Variants in STK4 observed in about 807,000 individuals in gnomAD.
STK4 encodes serine/threonine kinase 4.
STK4 carries 30 observed loss-of-function variants against 64.9 expected under a neutral mutation model. That is an observed-to-expected ratio of 0.46 (90% CI 0.35 to 0.63). The LOEUF (loss-of-function observed/expected upper bound fraction) is 0.63. STK4 is among the 20% of genes least tolerant of loss of function. The pLI is 0.01. For synonymous variants in STK4, 177 were observed against 199.0 expected, an observed-to-expected ratio of 0.89 and a Z score of 0.93; for missense variants, 466 against 598.5, an observed-to-expected ratio of 0.78 and a Z score of 2.31.
chr20:44,969,577 TGC>T (rs2067209930), intron 1 of STK4, among the ~76,000 whole-genome samples: 1 of 152,218 alleles, frequency 6.6e-6, no homozygotes. Context: ...AAAAATGAGT[TGC>T]CATTAGATTA....
At chr20:44,975,376 T>C in intron 2 of STK4, 6 of 984,682 alleles carry the variant, frequency 6.1e-6, no homozygotes, top group Middle Eastern at 5.2e-4. Context: ...ATGTGAGCTA[T>C]TGGAGTTTTC....
chr20:45,062,941 C>T (rs1226555588), intron 10 of STK4, among the ~76,000 whole-genome samples: 60 of 140,780 alleles, frequency 4.3e-4, no homozygotes, highest in African/African-American at 8.8e-4. Flanking sequence ...CCGCCCGCCT[C>T]GGCCTCCCAA....
At chr20:45,007,367 A>G (rs902455754) in intron 9 of STK4, among the ~76,000 whole-genome samples, 3 of 152,126 alleles carry the variant, frequency 2.0e-5, no homozygotes, top group African/African-American at 7.2e-5. Flanking sequence ...CCTGGCCAAT[A>G]TGGTGAAACC....
chr20:45,067,055 C>T (rs757600478), intron 10 of STK4, among the ~76,000 whole-genome samples: 4 of 152,098 alleles, frequency 2.6e-5, no homozygotes, highest in Non-Finnish European at 5.9e-5. Context: ...GTAACATACT[C>T]GCATCAAGAA....
chr20:45,065,213 G>T (rs1017290657), intron 10 of STK4, among the ~76,000 whole-genome samples: 1 of 151,860 alleles, frequency 6.6e-6, no homozygotes, highest in Non-Finnish European at 1.5e-5. Context: ...TAATCATGTG[G>T]TTTTTGTTTT....
At chr20:45,031,344 G>A (rs1028534249) in intron 10 of STK4, among the ~76,000 whole-genome samples, 3 of 152,094 alleles carry the variant, frequency 2.0e-5, no homozygotes, top group African/African-American at 7.2e-5. Context: ...AGGAAGGAAA[G>A]GAGTCCATTG....
Position 44,987,246 on chromosome 20 carries a change from A to G in STK4, c.475A>G (p.Thr159Ala), listed in dbSNP as rs2067545417. Reference sequence around the variant, plus strand: ...CAAGGCAGGAAATATTTTGCTAAATACAGAAGGACATGCAAAACTTGCAGA... The same window carrying G: ...CAAGGCAGGAAATATTTTGCTAAATGCAGAAGGACATGCAAAACTTGCAGA... Reference protein sequence around the residue: ...DIKAGNILLNTEGHAKLADFG... With the variant: ...DIKAGNILLNAEGHAKLADFG... The change falls in exon 5 of 11, where the codon ACA becomes GCA. Residue 159 changes from threonine to alanine, a missense_variant. This residue lies in a region of STK4 where 190 missense variants were observed against 289.7 expected (regional missense o/e 0.66). Transcript: ENST00000372806. The G allele has an allele frequency of 7.4e-6, 12 of 1,611,876 alleles. No individual in the cohort carries two copies. The highest frequency in any genetic ancestry group is 8.5e-6 in the Non-Finnish European group (10 of 1,179,396).
chr20:44,987,071 C>T, intron 4 of STK4, 61 bp from the exon 5 acceptor site: 1 of 1,375,242 alleles, frequency 7.3e-7, no homozygotes, highest in Non-Finnish European at 9.9e-7. Flanking sequence ...CTGATTTTTT[C>T]TCCTTTTTCT....
chr20:44,984,223 C>CTCGCTCTG (rs1397395206), intron 4 of STK4, among the ~76,000 whole-genome samples: 3 of 112,648 alleles, frequency 2.7e-5, no homozygotes, highest in Non-Finnish European at 5.0e-5. Context: ...ACAGAGTCTC[C>CTCGCTCTG]TTGCTCTGTT....
intron 9 of STK4, among the ~76,000 whole-genome samples, chr20:45,016,399 G>A (rs961745703): frequency 6.6e-6 from 1 of 152,078 alleles, no homozygotes; most frequent in African/African-American, 2.4e-5. Context: ...TAGCTCCCTC[G>A]TGGGTGAGAT....
chr20:45,055,921 C>T (rs1568760185), intron 10 of STK4, among the ~76,000 whole-genome samples: 3 of 152,022 alleles, frequency 2.0e-5, no homozygotes, highest in South Asian at 2.1e-4. Flanking sequence ...TTAGGAGAGA[C>T]GGGGTTTCAC....
chr20:44,995,479 G>A lies in STK4; in HGVS notation c.693+222G>A, dbSNP rs574989433. On this transcript the variant is annotated intron_variant, in intron 6 of 10. Transcript: ENST00000372806. ...AAATTAGCTGGGTGTGGTGGCGTGCGCCTGTAATCCCAGCTGCTTGGGAGA... is the reference window on the plus strand; with the variant it reads ...AAATTAGCTGGGTGTGGTGGCGTGCACCTGTAATCCCAGCTGCTTGGGAGA... Among the ~76,000 whole-genome samples the A allele has an allele frequency of 1.3e-4, 20 of 151,862 alleles. 1 individual carries two copies. In the East Asian group the frequency reaches 3.5e-3, roughly 27 times the overall value.
At chr20:45,043,620 C>A (rs2068647493) in intron 10 of STK4, among the ~76,000 whole-genome samples, 1 of 152,180 alleles carries the variant, frequency 6.6e-6, no homozygotes, top group Non-Finnish European at 1.5e-5. Context: ...TATCCCAAAC[C>A]TGAAATCCTG....
At chr20:44,982,145 C>T (rs1264194809) in intron 4 of STK4, among the ~76,000 whole-genome samples, 2 of 149,152 alleles carry the variant, frequency 1.3e-5, no homozygotes, top group Non-Finnish European at 1.5e-5. Context: ...ACCAGAGTCC[C>T]CTGTCACCCA....
intron 7 of STK4, among the ~76,000 whole-genome samples, chr20:45,000,079 C>T (rs551754122): frequency 1.3e-5 from 2 of 152,298 alleles, no homozygotes; most frequent in African/African-American, 4.8e-5. Flanking sequence ...ATTGTGGCAG[C>T]TATAACATGT....
At chr20:44,981,988 C>A in intron 4 of STK4, 45 bp downstream of exon 4, 1 of 1,343,930 alleles carries the variant, frequency 7.4e-7, no homozygotes, top group Non-Finnish European at 1.1e-6. Flanking sequence ...GTTTCTTATG[C>A]CATCTTCTTT....
chr20:45,056,347 T>C (rs1978483070), intron 10 of STK4, among the ~76,000 whole-genome samples: 1 of 152,228 alleles, frequency 6.6e-6, no homozygotes, highest in African/African-American at 2.4e-5. Flanking sequence ...AATTGTGCAG[T>C]ATATAGCCTT....
Position 44,967,149 on chromosome 20 carries a change from G to A in STK4, c.35+546G>A, listed in dbSNP as rs1389690715. On this transcript the variant is annotated intron_variant, in intron 1 of 10. Transcript: ENST00000372806. ...GCAAGGGAGGGGATGGTGGAGGGTA[G>A]CATTTCAGAGGATGCTGTTGGTGGT... 1.3e-5 allele frequency: 13 copies of A among 985,226 alleles called. No individual in the cohort carries two copies. In the South Asian group the frequency reaches 5.6e-4, roughly 43 times the overall value. 61.0% of individuals were successfully genotyped at this position (985,226 alleles called of 1,614,324 possible). A position where few individuals can be genotyped will look rare whatever the true frequency, so the allele number is the denominator to read the frequency against.
intron 1 of STK4, among the ~76,000 whole-genome samples, chr20:44,971,759 C>T (rs904307964): frequency 6.7e-6 from 1 of 149,900 alleles, no homozygotes; most frequent in African/African-American, 2.5e-5. Context: ...CAAACTCTGC[C>T]TCCTGGGTTC....
Sources: gnomAD v4.1 joint callset for allele counts (sites outside exome capture counted in the v4.1 genomes callset) on GRCh38, gnomAD v4.1.1 for gene constraint, gnomAD v4.1.1 regional missense constraint, MANE v1.5 for transcripts, NCBI Gene and HGNC (gene_info 2026-07-23, HGNC 2026-07-21) for gene names.